LRRTM3: variants seen among roughly 807,000 people sequenced by gnomAD.
The protein encoded by LRRTM3 is leucine rich repeat transmembrane neuronal 3, also known as leucine-rich repeat transmembrane neuronal protein 3.
In LRRTM3, 24 loss-of-function variants were observed where a neutral mutation model predicts 44.7. The observed-to-expected ratio is 0.54, with a 90% CI of 0.39 to 0.76. The LOEUF (loss-of-function observed/expected upper bound fraction) is 0.76, where lower values mean the gene tolerates loss of function less well. Among genes scored for constraint, LRRTM3 ranks in the 30% least tolerant of loss-of-function variants. The pLI is 0.00. For missense variants in LRRTM3, 587 were observed against 702.2 expected (o/e 0.84, Z 1.85); for synonymous variants, 277 against 278.7 (o/e 0.99, Z 0.06).
At chr10:66,978,552 A>AAATAAAAAATAAAAAAAATATATATATAT in intron 2 of LRRTM3, among the ~76,000 whole-genome samples, 1 of 37,866 alleles carries the variant, frequency 2.6e-5, no homozygotes, top group Non-Finnish European at 4.8e-5. Flanking sequence ...AAAAAAAAAA[A>AAATAAAAAATAAAAAAAATATATATATAT]ATATATATAT....
At chr10:66,957,279 C>T (rs1011855293) in intron 2 of LRRTM3, among the ~76,000 whole-genome samples, 12 of 151,502 alleles carry the variant, frequency 7.9e-5, no homozygotes, top group African/African-American at 2.9e-4. Context: ...CCTAAATTTA[C>T]TATTTGCTCA....
chr10:66,937,117 CA>C (rs1847751293), intron 2 of LRRTM3, among the ~76,000 whole-genome samples: 1 of 152,018 alleles, frequency 6.6e-6, no homozygotes, highest in Admixed American at 6.6e-5. Flanking sequence ...CGCCATTATA[CA>C]AAGTCTTTCT....
At chr10:67,072,999 A>T (rs1276712588) in intron 2 of LRRTM3, among the ~76,000 whole-genome samples, 1 of 152,146 alleles carries the variant, frequency 6.6e-6, no homozygotes, top group African/African-American at 2.4e-5. Flanking sequence ...TATCACTAAA[A>T]GTTTTGCTAA....
intron 2 of LRRTM3, among the ~76,000 whole-genome samples, chr10:66,991,666 C>G (rs1323911477): frequency 2.0e-5 from 3 of 152,116 alleles, no homozygotes; most frequent in Non-Finnish European, 4.4e-5. Context: ...ATTCTCCCGC[C>G]TCAGCCTCCT....
chr10:67,006,658 CTT>C (rs1161657240), intron 2 of LRRTM3, among the ~76,000 whole-genome samples: 6 of 152,096 alleles, frequency 3.9e-5, no homozygotes, highest in Admixed American at 1.3e-4. Flanking sequence ...TCATTTAAAA[CTT>C]GAGTAATTAT....
At chr10:66,975,856 T>C (rs1019314341) in intron 2 of LRRTM3, among the ~76,000 whole-genome samples, 3 of 152,364 alleles carry the variant, frequency 2.0e-5, no homozygotes, top group Admixed American at 6.5e-5. Flanking sequence ...ATTTTCTATC[T>C]GACCAAAAAT....
intron 2 of LRRTM3, among the ~76,000 whole-genome samples, chr10:67,066,164 A>T (rs113774840): frequency 0.013 from 1,913 of 149,830 alleles, 19 homozygotes; most frequent in Non-Finnish European, 0.021. Context: ...GTTTCCCTAT[A>T]GCACACTGCT....
intron 2 of LRRTM3, among the ~76,000 whole-genome samples, chr10:67,050,440 T>C (rs1005676976): frequency 7.2e-5 from 11 of 151,906 alleles, no homozygotes; most frequent in Middle Eastern, 3.2e-3. Context: ...TTAAGAATAT[T>C]AGAAAAGAAA....
At chr10:66,987,794 A>G (rs1380239398) in intron 2 of LRRTM3, among the ~76,000 whole-genome samples, 3 of 152,198 alleles carry the variant, frequency 2.0e-5, no homozygotes, top group Non-Finnish European at 4.4e-5. Context: ...AAATTTGGAT[A>G]AATTTTGCAA....
chr10:66,956,634 G>C (rs1215906076), intron 2 of LRRTM3, among the ~76,000 whole-genome samples: 1 of 152,204 alleles, frequency 6.6e-6, no homozygotes, highest in Non-Finnish European at 1.5e-5. Context: ...TCATTTCAGA[G>C]TGAAATTAAT....
intron 2 of LRRTM3, among the ~76,000 whole-genome samples, chr10:66,941,422 T>C (rs1847987311): frequency 6.6e-6 from 1 of 152,222 alleles, no homozygotes; most frequent in African/African-American, 2.4e-5. Flanking sequence ...ATATCTTAGG[T>C]TCCTCTCAAG....
At chr10:66,964,648 C>T (rs1849302188) in intron 2 of LRRTM3, among the ~76,000 whole-genome samples, 1 of 152,078 alleles carries the variant, frequency 6.6e-6, no homozygotes, top group Admixed American at 6.5e-5. Context: ...GAACTGACAC[C>T]TTTGATGACC....
intron 2 of LRRTM3, among the ~76,000 whole-genome samples, chr10:66,959,895 A>T (rs1849023382): frequency 6.6e-6 from 1 of 152,038 alleles, no homozygotes; most frequent in African/African-American, 2.4e-5. Context: ...CTCCAATCTC[A>T]AGACTCCCTC....
chr10:67,052,046 C>G (rs949616519), intron 2 of LRRTM3, among the ~76,000 whole-genome samples: 2 of 152,132 alleles, frequency 1.3e-5, no homozygotes, highest in Non-Finnish European at 2.9e-5. Flanking sequence ...TGAGCCACCA[C>G]GCCTGGCCTA....
rs772875103 is a variant in LRRTM3, at chr10:66,927,273, T to C, written c.357T>C (p.Asn119=). The change falls in exon 2 of 3, where the codon AAT becomes AAC. Residue 119 remains asparagine, a synonymous_variant. Transcript: ENST00000361320. The surrounding 1 kb of genome is among the most constrained non-coding windows in gnomAD (Gnocchi z 4.7). ...TCAAAGAGCTGATTCTTAGTTCCAA[T>C]AGAATCTCCTATTTTCTTAACAATA... ...RRLKELILSS[N]RISYFLNNTF... The C allele has an allele frequency of 5.6e-6, 9 of 1,613,908 alleles. No individual in the cohort carries two copies. In the Admixed American group the frequency reaches 6.7e-5, roughly 12 times the overall value.
chr10:66,952,999 A>T (rs1343683584), intron 2 of LRRTM3, among the ~76,000 whole-genome samples: 13 of 152,050 alleles, frequency 8.5e-5, no homozygotes, highest in Non-Finnish European at 1.8e-4. Flanking sequence ...TGGAGCTATT[A>T]ATATGATTCC....
chr10:67,058,930 A>T (rs1384436797), intron 2 of LRRTM3, among the ~76,000 whole-genome samples: 1 of 152,194 alleles, frequency 6.6e-6, no homozygotes, highest in African/African-American at 2.4e-5. Flanking sequence ...GGACATTGTA[A>T]GCCATAAATC....
chr10:67,027,487 T>C (rs781129026), intron 2 of LRRTM3, among the ~76,000 whole-genome samples: 1 of 147,340 alleles, frequency 6.8e-6, no homozygotes, highest in South Asian at 2.2e-4. Flanking sequence ...CAGGCTGGAG[T>C]GCAGTGGTGT....
chr10:66,999,791 G>C (rs1000310845), intron 2 of LRRTM3, among the ~76,000 whole-genome samples: 2 of 152,152 alleles, frequency 1.3e-5, no homozygotes, highest in Non-Finnish European at 2.9e-5. Flanking sequence ...ATCACTGACA[G>C]ATTACTTGAC....
Sources: gnomAD v4.1 joint callset for allele counts (sites outside exome capture counted in the v4.1 genomes callset) on GRCh38, gnomAD v4.1.1 for gene constraint, Gnocchi (gnomAD v3.1) non-coding constraint, MANE v1.5 for transcripts, NCBI Gene and HGNC (gene_info 2026-07-23, HGNC 2026-07-21) for gene names.